TRPM8: variants seen among roughly 807,000 people sequenced by gnomAD.
The protein encoded by TRPM8 is transient receptor potential cation channel subfamily M member 8, also known as TRPM8 cationic channel.
In TRPM8, 110 loss-of-function variants were observed where a neutral mutation model predicts 133.7. The ratio of observed to expected loss-of-function variants is 0.82; its 90% CI spans 0.70 to 0.96. The LOEUF (loss-of-function observed/expected upper bound fraction) is 0.96. TRPM8 is among the 40% of genes least tolerant of loss of function. TRPM8 has a pLI of 0.00. For missense variants in TRPM8, 1,291 were observed against 1,379.5 expected, an observed-to-expected ratio of 0.94 and a Z score of 1.02; for synonymous variants, 535 against 532.3, an observed-to-expected ratio of 1.01 and a Z score of -0.07.
At position 233,950,037 on chromosome 2, in the gene TRPM8, AG is replaced by A; in HGVS notation, c.1033del (p.Val345TrpfsTer5). The stretch of plus-strand genomic sequence containing the variant: ...GCTGATGTGATCGCTAGCCTGGTGG[AG>A]GTGGAGGATGCCCTGACATCTTCTG... ...QIADVIASLVEVEDALTSSAV... is the reference protein window; with the variant it reads ...QIADVIASLVXVEDALTSSAV... On this transcript the variant is annotated frameshift_variant, in exon 9 of 26. Transcript: ENST00000324695. LOFTEE classifies it high-confidence loss of function. 1.2e-6 allele frequency: 2 copies of A among 1,614,148 alleles called. No homozygotes were observed. The highest frequency in any genetic ancestry group is 1.7e-6 in the Non-Finnish European group (2 of 1,180,036).
At chr2:233,977,274 G>A (rs1052784262) in intron 17 of TRPM8, among the ~76,000 whole-genome samples, 4 of 152,190 alleles carry the variant, frequency 2.6e-5, no homozygotes, top group Non-Finnish European at 4.4e-5. Flanking sequence ...TTTGAGGCAC[G>A]TTGAATCTCC....
At chr2:233,938,916 C>T in intron 4 of TRPM8, 82 bp from the exon 5 acceptor site, 1 of 1,479,474 alleles carries the variant, frequency 6.8e-7, no homozygotes, top group Non-Finnish European at 9.2e-7. Flanking sequence ...CAAGCGTGGG[C>T]TTGGAAGTTG....
chr2:234,010,391 C>T (rs1692807393), intron 24 of TRPM8, among the ~76,000 whole-genome samples: 2 of 152,228 alleles, frequency 1.3e-5, no homozygotes, highest in Non-Finnish European at 2.9e-5. Context: ...TCTTGATGGA[C>T]ATTAGGTAGT....
At chr2:233,947,623 A>G in intron 8 of TRPM8, 1 of 1,288,908 alleles carries the variant, frequency 7.8e-7, no homozygotes, top group Non-Finnish European at 1.0e-6. Context: ...AGTGATTCTG[A>G]GATCATGGAA....
intron 13 of TRPM8, among the ~76,000 whole-genome samples, chr2:233,963,956 C>T (rs1046507703): frequency 1.3e-5 from 2 of 152,136 alleles, no homozygotes; most frequent in Non-Finnish European, 2.9e-5. Flanking sequence ...CCCACTATCA[C>T]GGTCTTACTG....
At chr2:233,988,096 C>G (rs1692192042) in intron 21 of TRPM8, among the ~76,000 whole-genome samples, 1 of 151,990 alleles carries the variant, frequency 6.6e-6, no homozygotes, top group Non-Finnish European at 1.5e-5. Flanking sequence ...TTCCCTACAG[C>G]ATTCAGGATA....
intron 21 of TRPM8, among the ~76,000 whole-genome samples, chr2:233,995,685 GT>G (rs773341871): frequency 2.3e-4 from 35 of 152,040 alleles, no homozygotes; most frequent in Middle Eastern, 3.4e-3. Flanking sequence ...ATCGTAATGT[GT>G]GACACATTTT....
intron 1 of TRPM8, among the ~76,000 whole-genome samples, chr2:233,920,678 C>T (rs1691388661): frequency 6.6e-6 from 1 of 152,088 alleles, no homozygotes; most frequent in African/African-American, 2.4e-5. Context: ...TTTCTTTTAA[C>T]TTATTATTTT....
At chr2:233,923,111 C>T (rs1028783851) in intron 1 of TRPM8, among the ~76,000 whole-genome samples, 1 of 152,222 alleles carries the variant, frequency 6.6e-6, no homozygotes. Flanking sequence ...CCTCGTGATC[C>T]GCCTGCCTCA....
Position 233,937,468 on chromosome 2 carries a change from T to A in TRPM8, c.307T>A (p.Phe103Ile). Residue 103 changes from phenylalanine (F) to isoleucine (I), a missense_variant, in exon 4 of 26, where the codon TTT becomes ATT. Physicochemically the swap from Phe to Ile is conservative, Grantham distance 21. Transcript: ENST00000324695. ...KHTKEFPTDA[F>I]GDIQFETLGK... ...CACCAAGGAATTTCCTACCGACGCC[T>A]TTGGGGATATTCAGTTTGAGACACT... 1 of 1,614,060 alleles carries A rather than the reference T, an allele frequency of 6.2e-7. No individual in the cohort carries two copies. Among genetic ancestry groups the A allele is most frequent in the Non-Finnish European group, 8.5e-7 (1 of 1,180,000 alleles).
intron 17 of TRPM8, among the ~76,000 whole-genome samples, chr2:233,972,351 C>T (rs1217923456): frequency 6.6e-6 from 1 of 152,272 alleles, no homozygotes; most frequent in Non-Finnish European, 1.5e-5. Context: ...AATCCTTGGG[C>T]TAGACATAAA....
rs200296802 is a variant in TRPM8, at chr2:233,970,389, C to A, written c.2318C>A (p.Ser773Ter). The change falls in exon 17 of 26, where the codon TCG (serine) becomes TAG (stop). Residue 773 changes from serine (S) to a stop codon, truncating the protein, a stop_gained. Coordinates refer to ENST00000324695, the MANE Select transcript of TRPM8 (RefSeq NM_024080.5). LOFTEE classifies it high-confidence loss of function. ...VPHPPELVLY[S>*]LVFVLFCDEV... is the part of the protein sequence containing the mutation. ...CACCCCCCCGAGCTGGTCCTGTACT[C>A]GCTGGTCTTTGTCCTCTTCTGTGAT... 23 of 1,614,068 alleles carry A rather than the reference C, an allele frequency of 1.4e-5. No homozygotes were observed. Among genetic ancestry groups the A allele is most frequent in the Non-Finnish European group, 1.9e-5 (22 of 1,180,012 alleles).
intron 17 of TRPM8, among the ~76,000 whole-genome samples, chr2:233,972,765 CG>C (rs1308299520): frequency 2.0e-5 from 3 of 152,184 alleles, no homozygotes; most frequent in Admixed American, 2.0e-4. Context: ...GCTCCCAGTG[CG>C]GGGCCCGCCA....
intron 22 of TRPM8, among the ~76,000 whole-genome samples, chr2:234,000,331 G>C (rs1692524340): frequency 6.6e-6 from 1 of 151,998 alleles, no homozygotes; most frequent in South Asian, 2.1e-4. Context: ...GGCTCGTCTT[G>C]AACTCCTGAC....
chr2:233,923,081 G>C (rs927997313), intron 1 of TRPM8, among the ~76,000 whole-genome samples: 1 of 152,036 alleles, frequency 6.6e-6, no homozygotes, highest in Non-Finnish European at 1.5e-5. Flanking sequence ...GTGTTAACCA[G>C]GATGGTCTCG....
rs371404176 is a variant in TRPM8 at position 233,989,311 on chromosome 2, C to T, written c.2939+3446C>T. 1.3e-5 allele frequency among the ~76,000 whole-genome samples: 2 copies of T among 152,176 alleles called. No homozygotes were observed. The highest frequency in any genetic ancestry group is 2.4e-5 in the African/African-American group (1 of 41,436). On this transcript the variant is annotated intron_variant, in intron 21 of 25. Transcript: ENST00000324695. This position sits in a 1 kb window ranked among gnomAD's most constrained non-coding sequence, Gnocchi z 4.2. Reference sequence around the variant, plus strand: ...CTCAGCGTCTGTGGTCCTGGCCGCGCGTTATCTGGCTTAACTCAGGTCTCT... The same window carrying T: ...CTCAGCGTCTGTGGTCCTGGCCGCGTGTTATCTGGCTTAACTCAGGTCTCT...
At chr2:233,921,300 C>T (rs924870171) in intron 1 of TRPM8, among the ~76,000 whole-genome samples, 1 of 152,142 alleles carries the variant, frequency 6.6e-6, no homozygotes, top group African/African-American at 2.4e-5. Context: ...CTTCACTCTG[C>T]CCCTTTACAA....
chr2:234,008,044 T>G lies in TRPM8; in HGVS notation c.3231-26T>G, dbSNP rs766770373. 8.1e-6 allele frequency: 13 copies of G among 1,607,406 alleles called. No individual in the cohort carries two copies. In the South Asian group the frequency reaches 1.5e-4, roughly 18 times the overall value. On this transcript the variant is annotated intron_variant, in intron 23 of 25. Coordinates refer to ENST00000324695, the MANE Select transcript of TRPM8 (RefSeq NM_024080.5). ...CTCAATCTGTTTTTCTCTTGTTCAC[T>G]TTCTTTTTCATTAACTTCTTTGCAG...
At chr2:233,960,245 C>T (rs1182106549) in intron 11 of TRPM8, among the ~76,000 whole-genome samples, 2 of 152,094 alleles carry the variant, frequency 1.3e-5, no homozygotes, top group African/African-American at 2.4e-5. Flanking sequence ...TATTTTAACA[C>T]CTGTATTTGA....
Sources: allele counts gnomAD v4.1 joint callset (sites outside exome capture counted in the v4.1 genomes callset), GRCh38; gene constraint gnomAD v4.1.1; non-coding constraint Gnocchi (gnomAD v3.1); transcripts MANE v1.5; gene names NCBI Gene and HGNC (gene_info 2026-07-23, HGNC 2026-07-21).